ZFPM2: variants seen among roughly 807,000 people sequenced by gnomAD.
ZFPM2 encodes the protein zinc finger protein, FOG family member 2, also known as zinc finger protein ZFPM2.
A neutral mutation model predicts 98.6 loss-of-function variants in ZFPM2; 20 were observed. The ratio of observed to expected loss-of-function variants is 0.20; its 90% CI spans 0.14 to 0.29. The LOEUF (loss-of-function observed/expected upper bound fraction) is 0.29, where lower values mean the gene tolerates loss of function less well. Among genes scored for constraint, ZFPM2 ranks in the 10% least tolerant of loss-of-function variants. The pLI, the probability that ZFPM2 is intolerant of heterozygous loss-of-function variation, is 1.00. For synonymous variants in ZFPM2, 518 were observed against 502.7 expected (o/e 1.03, Z -0.41); for missense variants, 1,310 against 1,388.6 (o/e 0.94, Z 0.90).
intron 5 of ZFPM2, among the ~76,000 whole-genome samples, chr8:105,764,756 G>A (rs912139865): frequency 1.9e-4 from 29 of 151,594 alleles, no homozygotes; most frequent in Non-Finnish European, 1.3e-4. Flanking sequence ...TTTTGTAAAT[G>A]ACTTAAGTGA....
At chr8:105,699,660 A>G (rs1260532841) in intron 5 of ZFPM2, among the ~76,000 whole-genome samples, 2 of 152,172 alleles carry the variant, frequency 1.3e-5, no homozygotes, top group African/African-American at 4.8e-5. Context: ...TTAACTTTGA[A>G]TTAATGCGCT....
At chr8:105,447,340 T>C (rs1165609601) in intron 3 of ZFPM2, among the ~76,000 whole-genome samples, 2 of 151,676 alleles carry the variant, frequency 1.3e-5, no homozygotes, top group Non-Finnish European at 2.9e-5. Context: ...AAAAACCTGT[T>C]CTCACTTTAC....
At chr8:105,724,300 AAT>A (rs1811753558) in intron 5 of ZFPM2, among the ~76,000 whole-genome samples, 2 of 151,878 alleles carry the variant, frequency 1.3e-5, no homozygotes, top group Non-Finnish European at 2.9e-5. Flanking sequence ...GTCATCCTGA[AAT>A]AGTGGGCAAC....
chr8:105,419,069 A>C (rs1811739887), intron 1 of ZFPM2, 75 bp from the exon 2 acceptor site: 1 of 1,416,866 alleles, frequency 7.1e-7, no homozygotes, highest in African/African-American at 1.4e-5. Context: ...TAACAAAAAA[A>C]GGCTCTATTT....
At chr8:105,454,092 G>T (rs2130265933) in intron 3 of ZFPM2, among the ~76,000 whole-genome samples, 1 of 151,994 alleles carries the variant, frequency 6.6e-6, no homozygotes, top group South Asian at 2.1e-4. Context: ...TGGTTTATTG[G>T]AATCAGGATT....
intron 4 of ZFPM2, among the ~76,000 whole-genome samples, chr8:105,609,732 A>T (rs138064898): frequency 6.6e-6 from 1 of 152,210 alleles, no homozygotes; most frequent in Non-Finnish European, 1.5e-5. Flanking sequence ...GCAAATGTTA[A>T]CAGTTGCTAA....
chr8:105,462,231 A>G (rs557978205), intron 3 of ZFPM2, among the ~76,000 whole-genome samples: 1 of 152,122 alleles, frequency 6.6e-6, no homozygotes, highest in Non-Finnish European at 1.5e-5. Flanking sequence ...TTCATCAAGC[A>G]CCCTGGCTCC....
chr8:105,458,154 T>G (rs1812627987), intron 3 of ZFPM2, among the ~76,000 whole-genome samples: 1 of 152,140 alleles, frequency 6.6e-6, no homozygotes, highest in South Asian at 2.1e-4. Context: ...GCAGAGTCTT[T>G]TTGACAAAAT....
chr8:105,590,533 G>A (rs1434599074), intron 4 of ZFPM2, among the ~76,000 whole-genome samples: 1 of 152,170 alleles, frequency 6.6e-6, no homozygotes, highest in Non-Finnish European at 1.5e-5. Context: ...CATGATTAAT[G>A]GTTTTGGGGG....
At chr8:105,345,975 G>A (rs749897937) in intron 1 of ZFPM2, among the ~76,000 whole-genome samples, 11 of 151,802 alleles carry the variant, frequency 7.2e-5, no homozygotes, top group Admixed American at 1.3e-4. Context: ...TGTTTGCCAT[G>A]CAAATACAAT....
chr8:105,379,790 A>G (rs535455544), intron 1 of ZFPM2, among the ~76,000 whole-genome samples: 100 of 152,250 alleles, frequency 6.6e-4, no homozygotes, highest in African/African-American at 2.3e-3. Flanking sequence ...TGACTGTAAG[A>G]ACCAAAACTG....
intron 4 of ZFPM2, among the ~76,000 whole-genome samples, chr8:105,617,018 T>C (rs1193411746): frequency 3.8e-5 from 1 of 26,472 alleles, no homozygotes; most frequent in African/African-American, 1.5e-4. Context: ...AGACTCTGTC[T>C]CGAAAAAAAA....
intron 3 of ZFPM2, among the ~76,000 whole-genome samples, chr8:105,502,910 C>T (rs571132846): frequency 1.2e-4 from 19 of 152,212 alleles, no homozygotes; most frequent in African/African-American, 3.6e-4. Context: ...AATTGGCTTA[C>T]GAGCAGGTGG....
intron 5 of ZFPM2, among the ~76,000 whole-genome samples, chr8:105,738,095 G>T (rs977164066): frequency 2.6e-5 from 4 of 151,824 alleles, no homozygotes; most frequent in Non-Finnish European, 5.9e-5. Flanking sequence ...ATGGGGGTTC[G>T]TTATACAGAT....
intron 4 of ZFPM2, among the ~76,000 whole-genome samples, chr8:105,569,300 A>T (rs6993770): frequency 0.31 from 47,742 of 152,040 alleles, 7,709 homozygotes; most frequent in East Asian, 0.4. Flanking sequence ...TCAGCACATT[A>T]ATTTTTTCCT....
At chr8:105,665,173 C>A (rs1817465630) in intron 5 of ZFPM2, among the ~76,000 whole-genome samples, 1 of 152,048 alleles carries the variant, frequency 6.6e-6, no homozygotes. Flanking sequence ...CTTTTTATAA[C>A]AATCCACTCT....
chr8:105,397,770 A>G (rs1056837056), intron 1 of ZFPM2, among the ~76,000 whole-genome samples: 1 of 152,184 alleles, frequency 6.6e-6, no homozygotes, highest in African/African-American at 2.4e-5. Context: ...TAAACACAAC[A>G]AATTGTGTTT....
chr8:105,688,483 A>C (rs1482726752), intron 5 of ZFPM2, among the ~76,000 whole-genome samples: 1 of 152,166 alleles, frequency 6.6e-6, no homozygotes, highest in Non-Finnish European at 1.5e-5. Context: ...ATATATAAAC[A>C]TGTAAAATTT....
chr8:105,457,035 G>C (rs1308555983), intron 3 of ZFPM2, among the ~76,000 whole-genome samples: 1 of 152,018 alleles, frequency 6.6e-6, no homozygotes, highest in Non-Finnish European at 1.5e-5. Context: ...ATTTTTGTGA[G>C]GTTTATCATT....
Sources: allele counts gnomAD v4.1 joint callset (sites outside exome capture counted in the v4.1 genomes callset), GRCh38; gene constraint gnomAD v4.1.1; transcripts MANE v1.5; gene names NCBI Gene and HGNC (gene_info 2026-07-23, HGNC 2026-07-21).